Variants in CYP2E1 observed in about 807,000 individuals in gnomAD.
The protein encoded by CYP2E1 is cytochrome P450 family 2 subfamily E member 1, also known as cytochrome P450 2E1.
A neutral mutation model predicts 42.9 loss-of-function variants in CYP2E1; 31 were observed. The ratio of observed to expected loss-of-function variants is 0.72; its 90% CI spans 0.54 to 0.98. CYP2E1 has a LOEUF of 0.98. Among genes scored for constraint, CYP2E1 ranks in the 50% least tolerant of loss-of-function variants. The pLI is 0.00. For synonymous variants in CYP2E1, 244 were observed against 248.9 expected, an observed-to-expected ratio of 0.98 and a Z score of 0.19; for missense variants, 565 against 633.2, an observed-to-expected ratio of 0.89 and a Z score of 1.16.
At chr10:133,532,365 A>G in intron 4 of CYP2E1, 81 bp downstream of exon 4, 1 of 1,378,480 alleles carries the variant, frequency 7.3e-7, no homozygotes, top group Non-Finnish European at 1.0e-6. Context: ...GTTATATGTG[A>G]TAGACAGGAC....
intron 2 of CYP2E1, among the ~76,000 whole-genome samples, chr10:133,528,882 G>A (rs1851305218): frequency 6.6e-6 from 1 of 152,246 alleles, no homozygotes; most frequent in Non-Finnish European, 1.5e-5. Flanking sequence ...ATGGGGATGG[G>A]CGGGGCTGCT....
intron 6 of CYP2E1, among the ~76,000 whole-genome samples, chr10:133,535,565 C>G (rs1851385697): frequency 6.6e-6 from 1 of 152,256 alleles, no homozygotes; most frequent in Admixed American, 6.5e-5. Context: ...TATAAGAGAA[C>G]TTTCGACTAC....
chr10:133,531,863 C>CTCT, intron 3 of CYP2E1, 129 bp downstream of exon 3: 1 of 983,042 alleles, frequency 1.0e-6, no homozygotes, highest in Non-Finnish European at 1.5e-6. Flanking sequence ...TCGTGAGTCC[C>CTCT]CAGATACTGC....
At position 133,528,530 on chromosome 10, in the gene CYP2E1, G is replaced by C. The variant is rs72559710; in HGVS notation, c.227G>C (p.Arg76Pro). 6.2e-7 allele frequency: 1 copy of C among 1,613,468 alleles called. No individual in the cohort carries two copies. The change falls in exon 2 of 9, where the codon CGC (arginine) becomes CCC (proline). Residue 76 changes from arginine to proline, a missense_variant. Transcript: ENST00000252945. ...TTCACGCTGTACGTGGGCTCGCAGC[G>C]CATGGTGGTGATGCACGGCTACAAG... ...PVFTLYVGSQ[R>P]MVVMHGYKAV...
Position 133,527,405 on chromosome 10 carries a change from C to A in CYP2E1, c.10C>A (p.Leu4Ile). 6.2e-7 allele frequency: 1 copy of A among 1,609,640 alleles called. No homozygotes were observed. The highest frequency in any genetic ancestry group is 8.5e-7 in the Non-Finnish European group (1 of 1,177,800). Residue 4 changes from leucine (L) to isoleucine (I), a missense_variant, in exon 1 of 9, where the codon CTC becomes ATC. By Grantham distance (5) the Leu-to-Ile change is conservative. Transcript: ENST00000252945. Reference sequence around the variant, plus strand: ...GGGCCCCAGCGGCACCATGTCTGCCCTCGGAGTCACCGTGGCCCTGCTGGT... The same window carrying A: ...GGGCCCCAGCGGCACCATGTCTGCCATCGGAGTCACCGTGGCCCTGCTGGT... MSA[L>I]GVTVALLVWA...
chr10:133,537,391 C>T, intron 7 of CYP2E1, 141 bp downstream of exon 7: 2 of 793,310 alleles, frequency 2.5e-6, no homozygotes, highest in East Asian at 5.3e-5. Context: ...CCACTCCCAC[C>T]CTGTGGGATA....
chr10:133,530,474 T>C (rs1246141639), intron 2 of CYP2E1, among the ~76,000 whole-genome samples: 1 of 152,090 alleles, frequency 6.6e-6, no homozygotes, highest in Non-Finnish European at 1.5e-5. Flanking sequence ...GCTGCACCCC[T>C]GCCCCACCCA....
rs1377698971 is a variant in CYP2E1 at position 133,536,356 on chromosome 10, ATCT to A, written c.968-703_968-701del. ...GCACTGCTTAGGATGCTCCATAAAC[ATCT>A]TCTGCGTGGGTAGGGGAGTGGATGG... is the stretch of plus-strand genomic sequence containing the variant. On this transcript the variant is annotated intron_variant, in intron 6 of 8. Coordinates refer to ENST00000252945, the MANE Select transcript of CYP2E1 (RefSeq NM_000773.4). 2.6e-5 allele frequency among the ~76,000 whole-genome samples: 4 copies of A among 152,064 alleles called. No individual in the cohort carries two copies. In the East Asian group the frequency reaches 7.7e-4, roughly 29 times the overall value.
In CYP2E1 at chr10:133,529,121, G is replaced by T. The variant is rs551716378; in HGVS notation, c.337+481G>T. ...AGAGGGAGTCTCTGATGTCCCGCTG[G>T]GGTGGATGTCCTGAGACCGGGAAGG... is the stretch of plus-strand genomic sequence containing the variant. On this transcript the variant is annotated intron_variant, in intron 2 of 8. Transcript: ENST00000252945. Among the ~76,000 whole-genome samples the T allele has an allele frequency of 2.5e-3, 379 of 152,316 alleles. 5 individuals are homozygous for T. The highest frequency in any genetic ancestry group is 2.3e-3 in the Non-Finnish European group (157 of 68,034).
rs199856651 is a variant in CYP2E1 at position 133,537,249 on chromosome 10, A to G, written c.1154A>G (p.Lys385Arg). The G allele has an allele frequency of 6.9e-5, 112 of 1,613,494 alleles. No homozygotes were observed. In the East Asian group the frequency reaches 2.3e-3, roughly 33 times the overall value. ...DTIFRGYLIP[K>R]GTVVVPTLDS... is the part of the protein sequence containing the mutation. ...ATTTTCAGAGGATACCTCATCCCCA[A>G]GGTTAAGCAATGAGCCTGCAGCACA... The change falls in exon 7 of 9, where the codon AAG becomes AGG. Residue 385 changes from lysine to arginine, a missense_variant and splice_region_variant. Coordinates refer to ENST00000252945, the MANE Select transcript of CYP2E1 (RefSeq NM_000773.4).
At chr10:133,537,337 A>C in intron 7 of CYP2E1, 87 bp downstream of exon 7, 1 of 1,398,500 alleles carries the variant, frequency 7.2e-7, no homozygotes, top group Non-Finnish European at 9.9e-7. Context: ...GGGGGCCCCA[A>C]GACCCTTCCC....
chr10:133,533,803 G>A lies in CYP2E1; in HGVS notation c.873G>A (p.Val291=), dbSNP rs781313031. ...TGTACACAATGGACGGTATCACCGT[G>A]ACTGTGGCCGACCTGTTCTTTGCGG... is the stretch of plus-strand genomic sequence containing the variant. ...ERLYTMDGIT[V]TVADLFFAGT... Residue 291 remains valine (V), a synonymous_variant, in exon 6 of 9, where the codon GTG becomes GTA. Transcript: ENST00000252945. The A allele has an allele frequency of 3.1e-6, 5 of 1,614,076 alleles. No homozygotes were observed. Among genetic ancestry groups the A allele is most frequent in the Non-Finnish European group, 4.2e-6 (5 of 1,180,030 alleles).
chr10:133,534,921 G>A (rs1851380313), intron 6 of CYP2E1, among the ~76,000 whole-genome samples: 1 of 151,440 alleles, frequency 6.6e-6, no homozygotes, highest in Admixed American at 6.6e-5. Flanking sequence ...CTGGAGTGCG[G>A]TGATGCAATC....
At chr10:133,528,661 C>G (rs369931236) in intron 2 of CYP2E1, 21 bp downstream of exon 2, 3 of 1,612,082 alleles carry the variant, frequency 1.9e-6, no homozygotes, top group African/African-American at 2.7e-5. Context: ...GTCCCTGGCA[C>G]GGAGCGGGGG....
intron 6 of CYP2E1, among the ~76,000 whole-genome samples, chr10:133,534,622 C>T (rs942322374): frequency 6.6e-6 from 1 of 152,198 alleles, no homozygotes; most frequent in East Asian, 1.9e-4. Context: ...CCCTGCCTCT[C>T]GCTGGGCTGG....
chr10:133,527,383 C>A lies in CYP2E1; in HGVS notation c.-13C>A. The A allele has an allele frequency of 6.3e-7, 1 of 1,593,218 alleles. No homozygotes were observed. Among genetic ancestry groups the A allele is most frequent in the Non-Finnish European group, 8.6e-7 (1 of 1,167,082 alleles). ...ATTGTCTCCCGGGCTGGCAGCAGGGCCCCAGCGGCACCATGTCTGCCCTCG... is the reference window on the plus strand; with the variant it reads ...ATTGTCTCCCGGGCTGGCAGCAGGGACCCAGCGGCACCATGTCTGCCCTCG... On this transcript the variant is annotated 5_prime_UTR_variant, in exon 1 of 9. Coordinates refer to ENST00000252945, the MANE Select transcript of CYP2E1 (RefSeq NM_000773.4).
chr10:133,529,565 T>C (rs1377971081), intron 2 of CYP2E1, among the ~76,000 whole-genome samples: 1 of 152,282 alleles, frequency 6.6e-6, no homozygotes. Context: ...GAGCTCGTGC[T>C]CTTGCCCTAT....
chr10:133,536,923 G>A, intron 6 of CYP2E1, 140 bp from the exon 7 acceptor site: 1 of 665,214 alleles, frequency 1.5e-6, no homozygotes, highest in African/African-American at 1.8e-5. Context: ...TGGATGGAGG[G>A]GTGTATAGAT....
intron 4 of CYP2E1, 82 bp from the exon 5 acceptor site, chr10:133,532,610 G>T: frequency 7.9e-7 from 1 of 1,258,558 alleles, no homozygotes; most frequent in Non-Finnish European, 1.1e-6. Flanking sequence ...ACAAATTCAG[G>T]TTTGGAGAAA....
Sources: gnomAD v4.1 joint callset for allele counts (sites outside exome capture counted in the v4.1 genomes callset) on GRCh38, gnomAD v4.1.1 for gene constraint, MANE v1.5 for transcripts, NCBI Gene and HGNC (gene_info 2026-07-23, HGNC 2026-07-21) for gene names.